Variants in MYBPC2 observed in about 807,000 individuals in gnomAD.
MYBPC2 encodes myosin-binding protein C, fast-type.
In MYBPC2, 122 loss-of-function variants were observed where a neutral mutation model predicts 137.0. The ratio of observed to expected loss-of-function variants is 0.89; its 90% CI spans 0.77 to 1.03. The LOEUF is 1.03. MYBPC2 is among the 50% of genes least tolerant of loss of function. MYBPC2 has a pLI of 0.00. For missense variants in MYBPC2, 1,500 were observed against 1,534.4 expected, an observed-to-expected ratio of 0.98 and a Z score of 0.37; for synonymous variants, 626 against 612.3, an observed-to-expected ratio of 1.02 and a Z score of -0.33.
intron 20 of MYBPC2, 24 bp from the exon 21 acceptor site, chr19:50,458,563 C>A (rs374141673): frequency 1.9e-6 from 3 of 1,607,422 alleles, no homozygotes; most frequent in Non-Finnish European, 2.5e-6. Flanking sequence ...GCACGAGATC[C>A]GCCAGCAGGG....
chr19:50,438,648 A>G (rs2463240), intron 7 of MYBPC2, among the ~76,000 whole-genome samples: 106,932 of 151,896 alleles, frequency 0.7, 37,882 homozygotes, highest in African/African-American at 0.78. Context: ...GGAAGATCAC[A>G]TGAGCCCAGG....
rs772910968 is a variant in MYBPC2 at position 50,454,106 on chromosome 19, C to T, written c.1836C>T (p.Asp612=). The T allele has an allele frequency of 1.7e-5, 27 of 1,612,514 alleles. No individual in the cohort carries two copies. The highest frequency in any genetic ancestry group is 1.1e-4 in the South Asian group (10 of 90,740). Residue 612 remains aspartate (D), a synonymous_variant, in exon 17 of 28, where the codon GAC becomes GAT. Coordinates refer to ENST00000357701, the MANE Select transcript of MYBPC2 (RefSeq NM_004533.4). ...TGATTGAGAGTGCGCAGCGGGAAGA[C>T]GAGGGCCGCTACACCATCAAGGTCA... ...SFVIESAQRE[D]EGRYTIKVTN... is the part of the protein sequence containing the mutation.
intron 26 of MYBPC2, 195 bp from the exon 27 acceptor site, chr19:50,464,151 T>TA (rs2039993924): frequency 3.7e-6 from 2 of 539,106 alleles, no homozygotes; most frequent in South Asian, 4.2e-5. Flanking sequence ...ACCCCACCGT[T>TA]ACCCTGTGAA....
At chr19:50,452,343 G>A (rs893327910) in intron 16 of MYBPC2, among the ~76,000 whole-genome samples, 1 of 152,134 alleles carries the variant, frequency 6.6e-6, no homozygotes, top group African/African-American at 2.4e-5. Flanking sequence ...TAATTAATCT[G>A]TTTGTCCATT....
chr19:50,443,112 C>T (rs955756557), intron 9 of MYBPC2, among the ~76,000 whole-genome samples: 20 of 151,810 alleles, frequency 1.3e-4, no homozygotes, highest in African/African-American at 4.4e-4. Context: ...GACAACATAG[C>T]GAGATCCCAT....
In MYBPC2 at chr19:50,454,199, G is replaced by A; in HGVS notation, c.1909+20G>A. On this transcript the variant is annotated intron_variant, in intron 17 of 27. Coordinates refer to ENST00000357701, the MANE Select transcript of MYBPC2 (RefSeq NM_004533.4). ...TTGTAGGTGAGCAGAGAAAGCCGAGGTGGCTGGGCCAAGGGGTGACTCCCT... is the reference window on the plus strand; with the variant it reads ...TTGTAGGTGAGCAGAGAAAGCCGAGATGGCTGGGCCAAGGGGTGACTCCCT... 6.2e-7 allele frequency: 1 copy of A among 1,613,918 alleles called. No homozygotes were observed. Among genetic ancestry groups the A allele is most frequent in the East Asian group, 2.2e-5 (1 of 44,864 alleles).
intron 13 of MYBPC2, 98 bp from the exon 14 acceptor site, chr19:50,450,731 T>C: frequency 1.3e-6 from 1 of 792,544 alleles, no homozygotes; most frequent in South Asian, 1.7e-5. Context: ...AATGCAGGCA[T>C]GTGGACTGCA....
At chr19:50,434,853 C>A (rs1051308778) in intron 1 of MYBPC2, among the ~76,000 whole-genome samples, 1 of 152,158 alleles carries the variant, frequency 6.6e-6, no homozygotes, top group Non-Finnish European at 1.5e-5. Flanking sequence ...ATTATACCCT[C>A]GGACCCAAAA....
chr19:50,466,140 C>T lies in MYBPC2; in HGVS notation c.3416-55C>T, dbSNP rs1271341219. Reference sequence around the variant, plus strand: ...GTGGATGCAGCTCCTCCTCCTGGGGCTTCAGGAGGAGGCGTGCCCGGGCCT... The same window carrying T: ...GTGGATGCAGCTCCTCCTCCTGGGGTTTCAGGAGGAGGCGTGCCCGGGCCT... On this transcript the variant is annotated intron_variant, in intron 27 of 27. Transcript: ENST00000357701. The surrounding 1 kb of genome is among the most constrained non-coding windows in gnomAD (Gnocchi z 4.9). 2 of 1,611,602 alleles carry T rather than the reference C, an allele frequency of 1.2e-6. No homozygotes were observed. The highest frequency in any genetic ancestry group is 2.2e-5 in the East Asian group (1 of 44,856).
In MYBPC2 at chr19:50,432,908, A is replaced by G; in HGVS notation, c.-46A>G. ...GGCCCACCTGTCCTCCCTAGGGCCT[A>G]GCGGGACGCGGCTGCGGTCAGAGGA... On this transcript the variant is annotated 5_prime_UTR_variant, in exon 1 of 28. Transcript: ENST00000357701. The surrounding 1 kb of genome is among the most constrained non-coding windows in gnomAD (Gnocchi z 5.5). 1 of 1,599,042 alleles carries G rather than the reference A, an allele frequency of 6.3e-7. No homozygotes were observed. Among genetic ancestry groups the G allele is most frequent in the Non-Finnish European group, 8.5e-7 (1 of 1,175,586 alleles).
intron 5 of MYBPC2, among the ~76,000 whole-genome samples, chr19:50,437,130 C>T (rs1316679574): frequency 2.0e-5 from 3 of 151,706 alleles, no homozygotes; most frequent in African/African-American, 7.3e-5. Context: ...ATATATGGGC[C>T]CCTGAGGGTG....
intron 27 of MYBPC2, among the ~76,000 whole-genome samples, chr19:50,464,820 TCCAGTGTACCTGGGCCC>T (rs2040000721): frequency 6.6e-6 from 1 of 152,110 alleles, no homozygotes; most frequent in South Asian, 2.1e-4. Flanking sequence ...CCCCAAGGCC[TCCAGTGTACCTGGGCCC>T]CCGTAGGCAG....
rs974990615 is a variant in MYBPC2 at position 50,455,580 on chromosome 19, G to C, written c.2274G>C (p.Arg758Ser). The C allele has an allele frequency of 1.9e-6, 3 of 1,613,984 alleles. No individual in the cohort carries two copies. Among genetic ancestry groups the C allele is most frequent in the Non-Finnish European group, 1.7e-6 (2 of 1,179,892 alleles). Reference sequence around the variant, plus strand: ...ACACCACCACCACACTCAAGTGGAGGCCTCCGAACAGGATCGGGGCAGGTG... The same window carrying C: ...ACACCACCACCACACTCAAGTGGAGCCCTCCGAACAGGATCGGGGCAGGTG... ...VTDTTTTLKW[R>S]PPNRIGAGGI... Residue 758 changes from arginine (R) to serine (S), a missense_variant, in exon 20 of 28, where the codon AGG (arginine) becomes AGC (serine). Arg to Ser is a moderately radical substitution (Grantham distance 110). Transcript: ENST00000357701.
rs769411646 is a variant in MYBPC2, at chr19:50,448,307, T to C, written c.1389T>C (p.Ser463=). ...SEQAVFKCEV[S]DEKVTGKWYK... ...AAGCTGTGTTCAAGTGCGAGGTGTC[T>C]GATGAGAAAGTGACGGGCAAGTGGT... The change falls in exon 13 of 28, where the codon TCT becomes TCC. Residue 463 remains serine (S), a synonymous_variant. Coordinates refer to ENST00000357701, the MANE Select transcript of MYBPC2 (RefSeq NM_004533.4). The C allele has an allele frequency of 3.1e-6, 5 of 1,613,824 alleles. No individual in the cohort carries two copies. Among genetic ancestry groups the C allele is most frequent in the Non-Finnish European group, 4.2e-6 (5 of 1,179,816 alleles).
At chr19:50,445,580 G>A (rs544252887) in intron 11 of MYBPC2, among the ~76,000 whole-genome samples, 3 of 151,864 alleles carry the variant, frequency 2.0e-5, no homozygotes, top group African/African-American at 7.2e-5. Flanking sequence ...TTTATTAGAG[G>A]TGGGTTTTCA....
chr19:50,442,244 TAG>T lies in MYBPC2; in HGVS notation c.837_838del (p.Glu279AspfsTer26), dbSNP rs2039762734. 6.2e-7 allele frequency: 1 copy of T among 1,604,616 alleles called. No homozygotes were observed. Among genetic ancestry groups the T allele is most frequent in the Non-Finnish European group, 8.5e-7 (1 of 1,175,768 alleles). ...AGAGGCAACAAGATCAAGTTGATGG[TAG>T]AGATCAGCGACCCAGACCTGACCCT... is the stretch of plus-strand genomic sequence containing the variant. On this transcript the variant is annotated frameshift_variant, in exon 9 of 28. Coordinates refer to ENST00000357701, the MANE Select transcript of MYBPC2 (RefSeq NM_004533.4). LOFTEE classifies it high-confidence loss of function.
chr19:50,461,631 C>T lies in MYBPC2; in HGVS notation c.3021C>T (p.Tyr1007=), dbSNP rs763902963. ...IVGNEYYFRV[Y]TENICGLSDS... Reference sequence around the variant, plus strand: ...GCAATGAATACTATTTCCGAGTTTACACCGAGAACATCTGTGGGCTCAGTG... The same window carrying T: ...GCAATGAATACTATTTCCGAGTTTATACCGAGAACATCTGTGGGCTCAGTG... The change falls in exon 25 of 28, where the codon TAC becomes TAT. Residue 1007 remains tyrosine, a synonymous_variant. Transcript: ENST00000357701. 2.5e-6 allele frequency: 4 copies of T among 1,613,598 alleles called. No homozygotes were observed. The African/African-American group carries it at 4.0e-5, about 16-fold the overall frequency.
At chr19:50,433,094 C>A in intron 1 of MYBPC2, 122 bp downstream of exon 1, 1 of 1,278,928 alleles carries the variant, frequency 7.8e-7, no homozygotes, top group Non-Finnish European at 1.0e-6. Flanking sequence ...GGAGGAGGCT[C>A]CCTTTGCTGT....
At chr19:50,433,758 G>T (rs1008795016) in intron 1 of MYBPC2, among the ~76,000 whole-genome samples, 4 of 152,126 alleles carry the variant, frequency 2.6e-5, no homozygotes. Context: ...CTCTGGGCAG[G>T]GTCTGGGCCA....
Sources: allele counts gnomAD v4.1 joint callset (sites outside exome capture counted in the v4.1 genomes callset), GRCh38; gene constraint gnomAD v4.1.1; non-coding constraint Gnocchi (gnomAD v3.1); transcripts MANE v1.5; gene names NCBI Gene and HGNC (gene_info 2026-07-23, HGNC 2026-07-21).